The following CDH23 variants were observed in gnomAD, a reference collection of about 807,000 sequenced individuals.
CDH23 encodes cadherin related 23.
Under a neutral mutation model 317.1 loss-of-function variants are expected in CDH23, and 189 were observed. The observed-to-expected ratio is 0.60, with a 90% CI of 0.53 to 0.67. The LOEUF is 0.67. CDH23 is among the 30% of genes least tolerant of loss of function. The pLI, the probability that CDH23 is intolerant of heterozygous loss-of-function variation, is 0.00. For synonymous variants in CDH23, 1,839 were observed against 1,876.8 expected (o/e 0.98, Z 0.52); for missense variants, 4,401 against 4,592.4 (o/e 0.96, Z 1.20).
chr10:71,800,839 G>A lies in CDH23; in HGVS notation c.7482+84G>A. On this transcript the variant is annotated intron_variant, in intron 53 of 69. Coordinates refer to ENST00000224721, the MANE Select transcript of CDH23 (RefSeq NM_022124.6). The stretch of plus-strand genomic sequence containing the variant: ...CAAAGCCTCTAGCAAGTGGACTGCT[G>A]CAGACTGGGAGCAGAGCCCCCCGGT... The A allele has an allele frequency of 1.9e-6, 3 of 1,550,212 alleles. No individual in the cohort carries two copies. The South Asian group carries it at 3.5e-5, about 18-fold the overall frequency.
chr10:71,478,430 C>G (rs976801065), intron 3 of CDH23, among the ~76,000 whole-genome samples: 27 of 152,204 alleles, frequency 1.8e-4, no homozygotes, highest in Admixed American at 5.2e-4. Flanking sequence ...GCCTTCTCAT[C>G]CTTCAAGGTC....
chr10:71,774,190 G>A (rs189608873), intron 38 of CDH23, among the ~76,000 whole-genome samples: 1 of 152,130 alleles, frequency 6.6e-6, no homozygotes, highest in East Asian at 1.9e-4. Context: ...AGCACATCCT[G>A]CAAGCTCCCC....
chr10:71,564,557 T>C (rs1857293829), intron 6 of CDH23, among the ~76,000 whole-genome samples: 1 of 152,266 alleles, frequency 6.6e-6, no homozygotes, highest in Non-Finnish European at 1.5e-5. Flanking sequence ...TTAAATCCTC[T>C]GATCAGATGC....
At chr10:71,768,152 G>A (rs1409396242) in intron 38 of CDH23, among the ~76,000 whole-genome samples, 1 of 152,184 alleles carries the variant, frequency 6.6e-6, no homozygotes, top group Non-Finnish European at 1.5e-5. Flanking sequence ...TGTTTGTTTG[G>A]TTGGCTTTGT....
chr10:71,746,048 A>G (rs1839846603), intron 38 of CDH23, among the ~76,000 whole-genome samples: 1 of 152,226 alleles, frequency 6.6e-6, no homozygotes, highest in South Asian at 2.1e-4. Flanking sequence ...AGTATGTGTT[A>G]TGTGTGAGGC....
intron 6 of CDH23, among the ~76,000 whole-genome samples, chr10:71,557,374 A>G (rs1314660341): frequency 6.6e-6 from 1 of 151,994 alleles, no homozygotes; most frequent in African/African-American, 2.4e-5. Flanking sequence ...TGGAGTGTCC[A>G]CCCTCCTGTC....
At chr10:71,453,729 A>G (rs1243806580) in intron 3 of CDH23, among the ~76,000 whole-genome samples, 1 of 152,242 alleles carries the variant, frequency 6.6e-6, no homozygotes, top group Non-Finnish European at 1.5e-5. Flanking sequence ...AGATTGACAC[A>G]GGTGAGAGGG....
intron 6 of CDH23, among the ~76,000 whole-genome samples, chr10:71,532,196 C>A (rs1589171470): frequency 6.6e-6 from 1 of 152,002 alleles, no homozygotes; most frequent in African/African-American, 2.4e-5. Flanking sequence ...CCAACAACAG[C>A]CATTCCCAGA....
chr10:71,511,331 GC>G, intron 6 of CDH23, 119 bp downstream of exon 6: 1 of 924,182 alleles, frequency 1.1e-6, no homozygotes. Context: ...CCAGACCTCA[GC>G]CCAGGTGCCA....
chr10:71,642,010 C>T (rs1206522550), intron 11 of CDH23, among the ~76,000 whole-genome samples: 7 of 152,096 alleles, frequency 4.6e-5, no homozygotes, highest in Non-Finnish European at 8.8e-5. Context: ...GTGTGAGAAT[C>T]GCTTGAACCT....
intron 6 of CDH23, among the ~76,000 whole-genome samples, chr10:71,545,983 A>G (rs1856257819): frequency 6.6e-6 from 1 of 152,166 alleles, no homozygotes; most frequent in South Asian, 2.1e-4. Context: ...AAACAGAAGT[A>G]AGACTGAAAG....
In CDH23 at chr10:71,759,827, A is replaced by ACACACACACACACACG. The variant is rs1300287073; in HGVS notation, c.4846-17838_4846-17837insGCACACACACACACAC. On this transcript the variant is annotated intron_variant, in intron 38 of 69. Transcript: ENST00000224721. ...ACCGTGTTTCAGAAAATATACACAC[A>ACACACACACACACACG]CACACACACACACACACACATATAC... Among the ~76,000 whole-genome samples, 42 of 63,842 alleles carry ACACACACACACACACG rather than the reference A, an allele frequency of 6.6e-4. 11 individuals are homozygous for ACACACACACACACACG. The highest frequency in any genetic ancestry group is 1.6e-3 in the African/African-American group (35 of 22,196). 41.9% of individuals were successfully genotyped at this position (63,842 alleles called of 152,430 possible).
chr10:71,434,404 C>T (rs1040463678), intron 1 of CDH23, among the ~76,000 whole-genome samples: 1 of 152,246 alleles, frequency 6.6e-6, no homozygotes, highest in African/African-American at 2.4e-5. Flanking sequence ...GCCTAGCACA[C>T]AGTAGGGCAT....
Position 71,728,852 on chromosome 10 carries a change from T to C in CDH23, c.3580-1617T>C, listed in dbSNP as rs564966163. 3.7e-4 allele frequency among the ~76,000 whole-genome samples: 56 copies of C among 152,262 alleles called. 3 individuals are homozygous for C. The South Asian group carries it at 0.01, about 28-fold the overall frequency. On this transcript the variant is annotated intron_variant, in intron 30 of 69. Transcript: ENST00000224721. ...CCTAGTAGCTGGGATTACAGATGCA[T>C]GTCACCACCCCCGGCTAATTTTTTT...
chr10:71,734,898 G>A (rs577149169), intron 34 of CDH23, among the ~76,000 whole-genome samples: 6 of 152,354 alleles, frequency 3.9e-5, no homozygotes, highest in African/African-American at 1.2e-4. Flanking sequence ...TCTTGGGTGG[G>A]GAGAGTACTA....
chr10:71,808,115 T>G, intron 60 of CDH23, 108 bp downstream of exon 60: 1 of 1,375,526 alleles, frequency 7.3e-7, no homozygotes, highest in Admixed American at 2.1e-5. Context: ...AGGATATGGG[T>G]GGCCCCCCAG....
rs574042607 is a variant in CDH23, at chr10:71,643,562, C to A, written c.1135-299C>A. Among the ~76,000 whole-genome samples the A allele has an allele frequency of 5.9e-5, 9 of 151,746 alleles. No individual in the cohort carries two copies. In the South Asian group the frequency reaches 1.9e-3, roughly 32 times the overall value. On this transcript the variant is annotated intron_variant, in intron 11 of 69. Transcript: ENST00000224721. ...GATCAGGGAGACAGGAGCCCTTGCC[C>A]CCCCCTCACCTCCTCACCCTTCATG...
intron 9 of CDH23, among the ~76,000 whole-genome samples, chr10:71,585,213 C>T (rs951953107): frequency 6.6e-6 from 1 of 152,058 alleles, no homozygotes; most frequent in African/African-American, 2.4e-5. Context: ...AAGGAGGAGA[C>T]AAAGAAACTA....
chr10:71,432,937 C>T (rs2131987215), intron 1 of CDH23, among the ~76,000 whole-genome samples: 1 of 152,268 alleles, frequency 6.6e-6, no homozygotes, highest in East Asian at 1.9e-4. Context: ...GTGTTTGCAC[C>T]TGGGACTCTG....
Sources: gnomAD v4.1 joint callset for allele counts (sites outside exome capture counted in the v4.1 genomes callset) on GRCh38, gnomAD v4.1.1 for gene constraint, MANE v1.5 for transcripts, NCBI Gene and HGNC (gene_info 2026-07-23, HGNC 2026-07-21) for gene names.